Variants in HIRA observed in about 807,000 individuals in gnomAD.
HIRA encodes the protein histone cell cycle regulator.
Under a neutral mutation model 126.6 loss-of-function variants are expected in HIRA, and 13 were observed. That is an observed-to-expected ratio of 0.10 (90% CI 0.07 to 0.16). The LOEUF (loss-of-function observed/expected upper bound fraction) is 0.16. Among genes scored for constraint, HIRA ranks in the 10% least tolerant of loss-of-function variants. The pLI, the probability that HIRA is intolerant of heterozygous loss-of-function variation, is 1.00. For synonymous variants in HIRA, 511 were observed against 520.0 expected, an observed-to-expected ratio of 0.98 and a Z score of 0.24; for missense variants, 834 against 1,314.4, an observed-to-expected ratio of 0.63 and a Z score of 5.65.
intron 24 of HIRA, among the ~76,000 whole-genome samples, chr22:19,346,431 C>T (rs553349737): frequency 3.0e-4 from 46 of 152,364 alleles, no homozygotes; most frequent in African/African-American, 1.1e-3. Flanking sequence ...TCTGCCCCAA[C>T]ATCTAGATGA....
At chr22:19,397,078 A>C (rs1235147990) in intron 6 of HIRA, 131 bp from the exon 7 acceptor site, 1 of 743,314 alleles carries the variant, frequency 1.3e-6, no homozygotes, top group African/African-American at 1.8e-5. Flanking sequence ...CACCAGACAG[A>C]AGCAGAAGGG....
chr22:19,385,384 A>T, intron 12 of HIRA, 137 bp downstream of exon 12: 1 of 771,730 alleles, frequency 1.3e-6, no homozygotes. Context: ...CAAGGGGCCA[A>T]CAGGCCCGAG....
intron 24 of HIRA, among the ~76,000 whole-genome samples, chr22:19,346,880 C>T (rs1427253819): frequency 6.6e-6 from 1 of 152,114 alleles, no homozygotes; most frequent in African/African-American, 2.4e-5. Context: ...TAGGCAGAGC[C>T]TCAGTGAAGT....
chr22:19,415,184 C>T (rs911416284), intron 1 of HIRA, among the ~76,000 whole-genome samples: 2 of 152,096 alleles, frequency 1.3e-5, no homozygotes, highest in Admixed American at 1.3e-4. Context: ...GTAGAAAACC[C>T]TAAAAATTCC....
Position 19,371,249 on chromosome 22 carries a change from G to T in HIRA, c.1775+4382C>A, listed in dbSNP as rs138915860. Among the ~76,000 whole-genome samples the T allele has an allele frequency of 9.5e-4, 145 of 152,240 alleles. No homozygotes were observed. The Middle Eastern group carries it at 0.02, about 21-fold the overall frequency. The stretch of plus-strand genomic sequence containing the variant: ...ACCCCGCAGCACATCCTCCTGGGGG[G>T]ACTCCTCTCTATTGCCCTGTCTTCA... On this transcript the variant is annotated intron_variant, in intron 15 of 24. Coordinates refer to ENST00000263208, the MANE Select transcript of HIRA (RefSeq NM_003325.4).
intron 24 of HIRA, among the ~76,000 whole-genome samples, chr22:19,333,984 T>C (rs978597412): frequency 6.6e-6 from 1 of 152,016 alleles, no homozygotes; most frequent in Non-Finnish European, 1.5e-5. Context: ...TTTTCTTTTT[T>C]TTTTTCTTGA....
At chr22:19,426,175 C>T (rs1347634309) in intron 1 of HIRA, among the ~76,000 whole-genome samples, 1 of 152,190 alleles carries the variant, frequency 6.6e-6, no homozygotes, top group African/African-American at 2.4e-5. Context: ...CCCTGTCTCC[C>T]TGAGCATCTC....
At chr22:19,348,343 A>G (rs1395153864) in intron 24 of HIRA, among the ~76,000 whole-genome samples, 9 of 152,240 alleles carry the variant, frequency 5.9e-5, no homozygotes, top group African/African-American at 2.2e-4. Flanking sequence ...AACAGCAGAA[A>G]TATTTATAGG....
intron 24 of HIRA, among the ~76,000 whole-genome samples, chr22:19,346,972 G>A (rs1313696062): frequency 6.6e-6 from 1 of 152,200 alleles, no homozygotes; most frequent in African/African-American, 2.4e-5. Context: ...TAGCCTGTTT[G>A]TGGCTCCTTC....
chr22:19,429,572 T>C (rs1023770200), intron 1 of HIRA, among the ~76,000 whole-genome samples: 97 of 152,246 alleles, frequency 6.4e-4, no homozygotes, highest in Admixed American at 6.3e-3. Flanking sequence ...TGCTCCATTC[T>C]AGGGCTGTAG....
chr22:19,372,276 A>G (rs2146206911), intron 15 of HIRA, among the ~76,000 whole-genome samples: 1 of 152,118 alleles, frequency 6.6e-6, no homozygotes, highest in East Asian at 1.9e-4. Flanking sequence ...TTAATTACAG[A>G]CCTCCAAATG....
chr22:19,339,583 G>A (rs2088603634), intron 24 of HIRA, among the ~76,000 whole-genome samples: 2 of 150,876 alleles, frequency 1.3e-5, no homozygotes, highest in South Asian at 4.2e-4. Context: ...GTTGTAGTGA[G>A]CCGAGATGCA....
At chr22:19,415,665 T>C (rs1398145455) in intron 1 of HIRA, among the ~76,000 whole-genome samples, 1 of 152,086 alleles carries the variant, frequency 6.6e-6, no homozygotes, top group Non-Finnish European at 1.5e-5. Context: ...AGCACATGCC[T>C]ATAATCCCAG....
At chr22:19,343,680 C>T (rs1186873928) in intron 24 of HIRA, among the ~76,000 whole-genome samples, 3 of 151,872 alleles carry the variant, frequency 2.0e-5, no homozygotes, top group Non-Finnish European at 4.4e-5. Context: ...AATCCCAACA[C>T]TTTGGGAGCC....
chr22:19,411,627 A>G (rs1416510045), intron 1 of HIRA, among the ~76,000 whole-genome samples: 1 of 152,272 alleles, frequency 6.6e-6, no homozygotes, highest in Non-Finnish European at 1.5e-5. Context: ...CCCAGTGTAC[A>G]GTAGCGCAGT....
chr22:19,340,768 T>G (rs1193869671), intron 24 of HIRA, among the ~76,000 whole-genome samples: 2 of 152,046 alleles, frequency 1.3e-5, no homozygotes, highest in Non-Finnish European at 2.9e-5. Flanking sequence ...TTACAATAGC[T>G]GCAAATAAAA....
At chr22:19,348,327 A>G (rs2088711145) in intron 24 of HIRA, among the ~76,000 whole-genome samples, 1 of 152,248 alleles carries the variant, frequency 6.6e-6, no homozygotes, top group Non-Finnish European at 1.5e-5. Flanking sequence ...GACAATCTGA[A>G]TGAGAAACAG....
intron 1 of HIRA, among the ~76,000 whole-genome samples, chr22:19,413,011 T>C (rs2089366178): frequency 1.3e-5 from 2 of 152,014 alleles, no homozygotes; most frequent in Admixed American, 1.3e-4. Flanking sequence ...TGAGTAAGAG[T>C]TAGCCAGAAG....
chr22:19,394,661 C>T, intron 7 of HIRA, 152 bp from the exon 8 acceptor site: 2 of 748,444 alleles, frequency 2.7e-6, no homozygotes, highest in East Asian at 5.5e-5. Context: ...TTCTGTCTCA[C>T]CAGATGGCCC....
Sources: allele counts gnomAD v4.1 joint callset (sites outside exome capture counted in the v4.1 genomes callset), GRCh38; gene constraint gnomAD v4.1.1; transcripts MANE v1.5; gene names NCBI Gene and HGNC (gene_info 2026-07-23, HGNC 2026-07-21).